The following DNAH8 variants were observed in gnomAD, a reference collection of about 807,000 sequenced individuals.
The protein encoded by DNAH8 is dynein axonemal heavy chain 8, also known as axonemal beta dynein heavy chain 8.
Under a neutral mutation model 562.1 loss-of-function variants are expected in DNAH8, and 382 were observed. The observed-to-expected ratio is 0.68, with a 90% CI of 0.63 to 0.74. The LOEUF (loss-of-function observed/expected upper bound fraction) is 0.74. DNAH8 is among the 30% of genes least tolerant of loss of function. The probability of loss-of-function intolerance (pLI) is 0.00; values close to 1 mark genes in which losing one functional copy is unlikely to be tolerated. For synonymous variants in DNAH8, 1,881 were observed against 1,919.4 expected (o/e 0.98, Z 0.52); for missense variants, 5,203 against 5,620.4 (o/e 0.93, Z 2.37).
intron 88 of DNAH8, among the ~76,000 whole-genome samples, chr6:39,000,526 C>T (rs1014836850): frequency 2.6e-5 from 4 of 152,074 alleles, no homozygotes; most frequent in Non-Finnish European, 5.9e-5. Flanking sequence ...CTCATAGGAG[C>T]GAGAACCCTA....
At chr6:38,786,634 C>T in intron 17 of DNAH8, 131 bp from the exon 18 acceptor site, 1 of 840,292 alleles carries the variant, frequency 1.2e-6, no homozygotes, top group Non-Finnish European at 1.8e-6. Context: ...TGCCTTAGCA[C>T]CTGGGGCATC....
At chr6:38,939,714 T>C (rs1783280062) in intron 79 of DNAH8, among the ~76,000 whole-genome samples, 1 of 152,248 alleles carries the variant, frequency 6.6e-6, no homozygotes, top group African/African-American at 2.4e-5. Context: ...CTTTGTGGGT[T>C]AAGCCATGAA....
chr6:38,896,218 A>G lies in DNAH8; in HGVS notation c.8933A>G (p.Tyr2978Cys). 6.2e-7 allele frequency: 1 copy of G among 1,612,390 alleles called. No individual in the cohort carries two copies. The highest frequency in any genetic ancestry group is 8.5e-7 in the Non-Finnish European group (1 of 1,179,138). ...EDSVFEVPKI[Y>C]ELMPSFDFLA... is the part of the protein sequence containing the mutation. ...TCTGTGTTTGAAGTACCCAAAATAT[A>G]TGAATTGGTATTTATTTTCATCTCT... Residue 2978 changes from tyrosine to cysteine, a missense_variant, in exon 60 of 93, where the codon TAT becomes TGT. This residue lies in a region of DNAH8 where 977 missense variants were observed against 1,061.8 expected (regional missense o/e 0.92). Transcript: ENST00000327475.
chr6:38,986,714 G>A (rs1764424387), intron 87 of DNAH8, among the ~76,000 whole-genome samples: 1 of 152,222 alleles, frequency 6.6e-6, no homozygotes, highest in East Asian at 1.9e-4. Context: ...ATGCTGATGG[G>A]ATCAAGTGCG....
intron 79 of DNAH8, among the ~76,000 whole-genome samples, chr6:38,939,316 G>A (rs781531197): frequency 4.6e-5 from 7 of 152,142 alleles, no homozygotes; most frequent in Non-Finnish European, 1.0e-4. Context: ...CTCAGCAAGG[G>A]AGTATAATGA....
At chr6:38,727,595 T>C (rs962188547) in intron 3 of DNAH8, among the ~76,000 whole-genome samples, 3 of 152,246 alleles carry the variant, frequency 2.0e-5, no homozygotes, top group African/African-American at 7.2e-5. Flanking sequence ...GCTAGTCCCA[T>C]TGTTGCTGCT....
intron 17 of DNAH8, 35 bp downstream of exon 17, chr6:38,783,174 G>T (rs1387312006): frequency 6.2e-7 from 1 of 1,603,126 alleles, no homozygotes; most frequent in Non-Finnish European, 8.5e-7. Flanking sequence ...TACAAAGTAG[G>T]GATTAGGTGA....
chr6:38,896,244 TA>T lies in DNAH8; in HGVS notation c.8940+23del. The stretch of plus-strand genomic sequence containing the variant: ...TGAATTGGTATTTATTTTCATCTCT[TA>T]AAAGAGGTTTTCAGATTGCTCACCT... On this transcript the variant is annotated intron_variant, in intron 60 of 92. Transcript: ENST00000327475. 4 of 1,596,378 alleles carry T rather than the reference TA, an allele frequency of 2.5e-6. No individual in the cohort carries two copies. Among genetic ancestry groups the T allele is most frequent in the Non-Finnish European group, 3.4e-6 (4 of 1,165,528 alleles).
intron 26 of DNAH8, among the ~76,000 whole-genome samples, chr6:38,819,364 C>T (rs149490521): frequency 4.8e-4 from 73 of 152,252 alleles, no homozygotes; most frequent in African/African-American, 1.6e-3. Context: ...CTATTGGTAA[C>T]ATTCTATTCT....
At chr6:38,731,906 G>A (rs1763683325) in intron 4 of DNAH8, among the ~76,000 whole-genome samples, 1 of 152,170 alleles carries the variant, frequency 6.6e-6, no homozygotes, top group Admixed American at 6.5e-5. Context: ...AGTAGAGACA[G>A]GGTTTCACCA....
intron 36 of DNAH8, among the ~76,000 whole-genome samples, chr6:38,846,579 C>T (rs951833104): frequency 6.6e-6 from 1 of 152,150 alleles, no homozygotes; most frequent in African/African-American, 2.4e-5. Flanking sequence ...AGCTGCCAGT[C>T]CAGGGAGTTC....
In DNAH8 at chr6:38,750,596, A is replaced by G. The variant is rs1582901238; in HGVS notation, c.1407+7A>G. 2.6e-6 allele frequency: 4 copies of G among 1,542,800 alleles called. No individual in the cohort carries two copies. The East Asian group carries it at 9.1e-5, about 35-fold the overall frequency. On this transcript the variant is annotated splice_region_variant and intron_variant, in intron 9 of 92. Transcript: ENST00000327475. The stretch of plus-strand genomic sequence containing the variant: ...TCTCTATAACCATGACCTAGTAAGT[A>G]TGCTTTTAAAGTACAATTTTAAACT...
At chr6:38,725,304 T>TATAATAATAATAATG (rs1554193005) in intron 3 of DNAH8, among the ~76,000 whole-genome samples, 1 of 135,386 alleles carries the variant, frequency 7.4e-6, no homozygotes, top group Non-Finnish European at 1.6e-5. Context: ...CTCCAACTCA[T>TATAATAATAATAATG]ATAATAATAA....
chr6:38,896,586 C>A (rs372090822), intron 60 of DNAH8, among the ~76,000 whole-genome samples: 2 of 147,972 alleles, frequency 1.4e-5, no homozygotes, highest in South Asian at 2.2e-4. Flanking sequence ...AAAAAACAAA[C>A]AAACAAACAA....
intron 17 of DNAH8, among the ~76,000 whole-genome samples, chr6:38,785,298 T>C (rs1159623084): frequency 1.3e-5 from 2 of 152,160 alleles, no homozygotes; most frequent in East Asian, 1.9e-4. Context: ...ATCAGCCTCC[T>C]TTAGTTGGTT....
intron 88 of DNAH8, among the ~76,000 whole-genome samples, chr6:38,996,191 C>A (rs1362743566): frequency 6.6e-6 from 1 of 151,918 alleles, no homozygotes; most frequent in African/African-American, 2.4e-5. Context: ...GTCCAGGTAG[C>A]AGTGTGATCT....
In DNAH8 at chr6:38,853,432, G is replaced by A. The variant is rs978305494; in HGVS notation, c.5733+85G>A. ...CTTAGCAGGTGGTTGACCTGATGGT[G>A]TGAGGCAATTGTAGCTTTGAATTAG... On this transcript the variant is annotated intron_variant, in intron 41 of 92. Coordinates refer to ENST00000327475, the MANE Select transcript of DNAH8 (RefSeq NM_001206927.2). 3.5e-6 allele frequency: 5 copies of A among 1,432,696 alleles called. No homozygotes were observed. The African/African-American group carries it at 5.8e-5, about 17-fold the overall frequency. The allele number at this position is 1,432,696 out of a possible 1,614,324, so 88.7% of individuals were successfully genotyped here.
intron 89 of DNAH8, among the ~76,000 whole-genome samples, chr6:39,010,987 G>A (rs1345730072): frequency 1.3e-5 from 2 of 152,120 alleles, no homozygotes; most frequent in African/African-American, 2.4e-5. Context: ...GTAGCTGAAG[G>A]TTGCTACGTC....
Position 38,870,417 on chromosome 6 carries a change from C to T in DNAH8, c.6845C>T (p.Pro2282Leu). ...CCACCTTAGGTTGATGAAGATGAACCCCTGTTCCTCAGCTTAATCAATGAC... is the reference window on the plus strand; with the variant it reads ...CCACCTTAGGTTGATGAAGATGAACTCCTGTTCCTCAGCTTAATCAATGAC... ...NLSKLVDEDE[P>L]LFLSLINDLF... Residue 2282 changes from proline (P) to leucine (L), a missense_variant, in exon 49 of 93, where the codon CCC becomes CTC. This residue lies in a region of DNAH8 where 2,176 missense variants were observed against 2,365.1 expected (regional missense o/e 0.92). Coordinates refer to ENST00000327475, the MANE Select transcript of DNAH8 (RefSeq NM_001206927.2). 6.2e-7 allele frequency: 1 copy of T among 1,613,332 alleles called. No individual in the cohort carries two copies. The highest frequency in any genetic ancestry group is 8.5e-7 in the Non-Finnish European group (1 of 1,179,698).
Sources: allele counts gnomAD v4.1 joint callset (sites outside exome capture counted in the v4.1 genomes callset), GRCh38; gene constraint gnomAD v4.1.1; regional missense constraint gnomAD v4.1.1; transcripts MANE v1.5; gene names NCBI Gene and HGNC (gene_info 2026-07-23, HGNC 2026-07-21).